The following PRR5 variants were observed in gnomAD, a reference collection of about 807,000 sequenced individuals.
PRR5 encodes proline-rich protein 5.
In PRR5, 25 loss-of-function variants were observed where a neutral mutation model predicts 30.6. The observed-to-expected ratio is 0.82, with a 90% confidence interval of 0.60 to 1.14. The LOEUF (loss-of-function observed/expected upper bound fraction) is 1.14, where lower values mean the gene tolerates loss of function less well. Among genes scored for constraint, PRR5 ranks in the 50% most tolerant of loss-of-function variants. The probability of loss-of-function intolerance (pLI) is 0.00; values close to 1 mark genes in which losing one functional copy is unlikely to be tolerated. For missense variants in PRR5, 600 were observed against 547.1 expected (o/e 1.10, Z -0.96); for synonymous variants, 286 against 247.1 (o/e 1.16, Z -1.48).
intron 2 of PRR5, among the ~76,000 whole-genome samples, chr22:44,721,761 A>G (rs922870258): frequency 1.3e-5 from 2 of 152,148 alleles, no homozygotes; most frequent in Non-Finnish European, 2.9e-5. Context: ...AGGCCCAGAC[A>G]GGGGAGGGGT....
At chr22:44,687,810 C>A (rs1156775481) in intron 1 of PRR5, among the ~76,000 whole-genome samples, 1 of 151,996 alleles carries the variant, frequency 6.6e-6, no homozygotes, top group Non-Finnish European at 1.5e-5. Context: ...AGTCTCACTC[C>A]GTCGCCCAGG....
chr22:44,725,333 G>A (rs1920926169), intron 3 of PRR5, 41 bp downstream of exon 3: 6 of 1,609,908 alleles, frequency 3.7e-6, no homozygotes, highest in Non-Finnish European at 5.1e-6. Context: ...CCTGCCTCAT[G>A]AGCCAGCCAG....
upstream of PRR5, among the ~76,000 whole-genome samples, chr22:44,673,379 C>T (rs1601940646): frequency 6.6e-6 from 1 of 152,244 alleles, no homozygotes; most frequent in South Asian, 2.1e-4. Context: ...ATGGCCAATG[C>T]ATAGGCAGCT....
At chr22:44,730,976 C>T (rs1386095955) in intron 4 of PRR5, 3 of 438,682 alleles carry the variant, frequency 6.8e-6, no homozygotes, top group Non-Finnish European at 1.4e-5. Context: ...AGCTGGGTCC[C>T]CAGTGCCCAG....
chr22:44,706,928 G>A (rs1989847099), intron 1 of PRR5, among the ~76,000 whole-genome samples: 1 of 152,174 alleles, frequency 6.6e-6, no homozygotes, highest in Admixed American at 6.5e-5. Flanking sequence ...TTTCCTGAGT[G>A]CCCACTCCTT....
At position 44,702,479 on chromosome 22, in the gene PRR5, G is replaced by T. The variant is rs892109161; in HGVS notation, c.5G>T (p.Arg2Met). The part of the protein sequence containing the change: M[R>M]TLRRLKFMSS... ...GCGCAGGCGGCCCGGGTCACCATGAGGACTCTCCGCAGGTTGAAGTTCATG... is the reference window on the plus strand; with the variant it reads ...GCGCAGGCGGCCCGGGTCACCATGATGACTCTCCGCAGGTTGAAGTTCATG... The change falls in exon 1 of 8, where the codon AGG becomes ATG. Residue 2 changes from arginine to methionine, a missense_variant. Transcript: ENST00000336985. 7.6e-6 allele frequency: 11 copies of T among 1,455,388 alleles called. No homozygotes were observed. The highest frequency in any genetic ancestry group is 1.0e-5 in the Non-Finnish European group (11 of 1,100,184). The allele number at this position is 1,455,388 out of a possible 1,614,324, so 90.2% of individuals were successfully genotyped here. A position where few individuals can be genotyped will look rare whatever the true frequency, so the allele number is the denominator to read the frequency against.
intron 1 of PRR5, among the ~76,000 whole-genome samples, chr22:44,714,104 C>G (rs753388690): frequency 7.1e-6 from 1 of 139,920 alleles, no homozygotes; most frequent in Non-Finnish European, 1.5e-5. Flanking sequence ...CGCCCGGCAG[C>G]CTTAGAGAGT....
At chr22:44,703,193 CTTTG>C (rs879503904) in intron 1 of PRR5, among the ~76,000 whole-genome samples, 18 of 152,200 alleles carry the variant, frequency 1.2e-4, no homozygotes, top group Non-Finnish European at 1.8e-4. Context: ...CTTCTCCCAG[CTTTG>C]TTTGAGGAGC....
At chr22:44,686,376 G>A (rs150863627) in intron 1 of PRR5, among the ~76,000 whole-genome samples, 6 of 152,076 alleles carry the variant, frequency 3.9e-5, no homozygotes, top group East Asian at 1.9e-4. Flanking sequence ...TCGCTCTGTC[G>A]CCCAGGCTGG....
chr22:44,735,110 C>G lies in PRR5; in HGVS notation c.639C>G (p.Gly213=). The part of the protein sequence containing the change: ...LVQKVVSPYL[G]TYGLHSSEGP... ...AGAAGGTGGTGTCGCCATACCTGGG[C>G]ACCTACGGCCTCCACTCCAGCGAGG... Residue 213 remains glycine (G), a synonymous_variant, in exon 7 of 8, where the codon GGC becomes GGG. Coordinates refer to ENST00000336985, the MANE Select transcript of PRR5 (RefSeq NM_181333.4). 1 of 1,612,828 alleles carries G rather than the reference C, an allele frequency of 6.2e-7. No individual in the cohort carries two copies. Among genetic ancestry groups the G allele is most frequent in the Non-Finnish European group, 8.5e-7 (1 of 1,179,594 alleles).
chr22:44,700,031 G>A (rs77835350), upstream of PRR5, among the ~76,000 whole-genome samples: 740 of 152,166 alleles, frequency 4.9e-3, 5 homozygotes, highest in Non-Finnish European at 7.8e-3. Flanking sequence ...GTTTGAGAGC[G>A]TGGGCTAGGC....
At chr22:44,680,828 G>A (rs974083317) in intron 1 of PRR5, among the ~76,000 whole-genome samples, 4 of 152,208 alleles carry the variant, frequency 2.6e-5, no homozygotes, top group African/African-American at 9.7e-5. Flanking sequence ...CACAGTGGTG[G>A]CAGTGTGTGA....
chr22:44,702,130 C>CCCCCGCCCCCTTCCCCG (rs1365802746), upstream of PRR5: 3 of 213,176 alleles, frequency 1.4e-5, no homozygotes, highest in Admixed American at 6.3e-5. Context: ...GCCCGCGATG[C>CCCCCGCCCCCTTCCCCG]CCCCGCCCCC....
chr22:44,730,612 ACT>A (rs1248608693), intron 4 of PRR5: 2 of 996,492 alleles, frequency 2.0e-6, no homozygotes, highest in Non-Finnish European at 2.4e-6. Flanking sequence ...TGTTTCAGAG[ACT>A]CACCTGTCAA....
chr22:44,710,558 T>A (rs1003553797), intron 1 of PRR5, among the ~76,000 whole-genome samples: 3 of 152,184 alleles, frequency 2.0e-5, no homozygotes, highest in Non-Finnish European at 4.4e-5. Context: ...GTTTCTGTTT[T>A]GGGAGATGAC....
At chr22:44,698,722 C>T (rs560013009), upstream of PRR5, among the ~76,000 whole-genome samples, 3 of 152,326 alleles carry the variant, frequency 2.0e-5, no homozygotes, top group Non-Finnish European at 2.9e-5. Flanking sequence ...GGCCAGAATC[C>T]GGGTTTCTGT....
chr22:44,725,758 G>A (rs917914945), intron 3 of PRR5, among the ~76,000 whole-genome samples: 4 of 152,158 alleles, frequency 2.6e-5, no homozygotes, highest in African/African-American at 7.2e-5. Context: ...TCTGCCTCCC[G>A]GGTTCAAGCG....
intron 1 of PRR5, among the ~76,000 whole-genome samples, chr22:44,690,407 A>G (rs1925137526): frequency 6.6e-6 from 1 of 152,116 alleles, no homozygotes; most frequent in Admixed American, 6.6e-5. Flanking sequence ...GAGAGAAAGG[A>G]TTCCATGGTG....
chr22:44,718,457 A>G (rs1929443401), intron 2 of PRR5, among the ~76,000 whole-genome samples: 1 of 152,062 alleles, frequency 6.6e-6, no homozygotes. Context: ...AGCCTCCCAA[A>G]GTGCTGGGGT....
Sources: gnomAD v4.1 joint callset for allele counts (sites outside exome capture counted in the v4.1 genomes callset) on GRCh38, gnomAD v4.1.1 for gene constraint, MANE v1.5 for transcripts, NCBI Gene and HGNC (gene_info 2026-07-23, HGNC 2026-07-21) for gene names.